Variants in RELA observed in about 807,000 individuals in gnomAD.
The protein encoded by RELA is transcription factor p65.
In RELA, 14 loss-of-function variants were observed where a neutral mutation model predicts 56.7. The observed-to-expected ratio is 0.25, with a 90% CI of 0.16 to 0.39. The LOEUF (loss-of-function observed/expected upper bound fraction) is 0.39, where lower values mean the gene tolerates loss of function less well. Among genes scored for constraint, RELA ranks in the 10% least tolerant of loss-of-function variants. The pLI, the probability that RELA is intolerant of heterozygous loss-of-function variation, is 1.00. For synonymous variants in RELA, 315 were observed against 289.7 expected (o/e 1.09, Z -0.89); for missense variants, 559 against 736.4 (o/e 0.76, Z 2.79).
At chr11:65,656,153 C>T (rs1450704723) in intron 8 of RELA, among the ~76,000 whole-genome samples, 1 of 152,204 alleles carries the variant, frequency 6.6e-6, no homozygotes, top group East Asian at 1.9e-4. Context: ...TCTAAGACCA[C>T]ATGGTGAGGC....
rs1230656083 is a variant in RELA at position 65,654,716 on chromosome 11, G to A, written c.1318C>T (p.Leu440=). The part of the protein sequence containing the change: ...QAGEGTLSEA[L]LQLQFDDEDL... Reference sequence around the variant, plus strand: ...TCATCATCAAACTGCAGCTGCAGCAGGGCCTCTGACAGCGTTCCTTCCCCA... The same window carrying A: ...TCATCATCAAACTGCAGCTGCAGCAAGGCCTCTGACAGCGTTCCTTCCCCA... Residue 440 remains leucine, a synonymous_variant, in exon 11 of 11, where the codon CTG becomes TTG. Transcript: ENST00000406246. 1 of 1,537,306 alleles carries A rather than the reference G, an allele frequency of 6.5e-7. No individual in the cohort carries two copies. The highest frequency in any genetic ancestry group is 8.7e-7 in the Non-Finnish European group (1 of 1,143,694).
At chr11:65,657,025 TCAAA>T (rs35168219) in intron 8 of RELA, among the ~76,000 whole-genome samples, 5 of 150,800 alleles carry the variant, frequency 3.3e-5, no homozygotes, top group African/African-American at 4.9e-5. Context: ...AGACTCTGTC[TCAAA>T]CAAACAAACA....
chr11:65,657,115 A>G (rs1286583111), intron 8 of RELA, among the ~76,000 whole-genome samples: 1 of 152,190 alleles, frequency 6.6e-6, no homozygotes, highest in Non-Finnish European at 1.5e-5. Flanking sequence ...AAGTGAGGTC[A>G]GGACAGTCTA....
intron 1 of RELA, chr11:65,662,571 G>A (rs1856600015): frequency 1.3e-5 from 5 of 391,684 alleles, no homozygotes; most frequent in East Asian, 3.8e-5. Flanking sequence ...CGGTGTGGAG[G>A]GAAACTGAGT....
chr11:65,658,623 G>T lies in RELA; in HGVS notation c.664+95C>A. On this transcript the variant is annotated intron_variant, in intron 7 of 10. Transcript: ENST00000406246. This position sits in a 1 kb window ranked among gnomAD's most constrained non-coding sequence, Gnocchi z 4.5. ...CCCACCTGAGGCCCCCGAGGCACAG[G>T]AGGAAGTATCCAAAGCCAGTTACCT... 1 of 1,406,362 alleles carries T rather than the reference G, an allele frequency of 7.1e-7. No individual in the cohort carries two copies. The highest frequency in any genetic ancestry group is 1.0e-6 in the Non-Finnish European group (1 of 997,462). 87.1% of individuals were successfully genotyped at this position (1,406,362 alleles called of 1,614,324 possible). A position where few individuals can be genotyped will look rare whatever the true frequency, so the allele number is the denominator to read the frequency against.
At chr11:65,659,884 G>C in intron 5 of RELA, 87 bp from the exon 6 acceptor site, 1 of 1,480,310 alleles carries the variant, frequency 6.8e-7, no homozygotes. Flanking sequence ...CGCTGGGAGG[G>C]CCGCTGGTGC....
At chr11:65,663,477 A>C (rs1315759239), upstream of RELA, among the ~76,000 whole-genome samples, 2 of 152,164 alleles carry the variant, frequency 1.3e-5, no homozygotes, top group Non-Finnish European at 2.9e-5. Flanking sequence ...CTGACAGTGC[A>C]TCAAGAGCTT....
At chr11:65,657,569 C>G (rs1046085682) in intron 8 of RELA, among the ~76,000 whole-genome samples, 1 of 152,206 alleles carries the variant, frequency 6.6e-6, no homozygotes, top group African/African-American at 2.4e-5. Flanking sequence ...CTGAATAGGC[C>G]GTGCAGTTGC....
rs1421168320 is a variant in RELA, at chr11:65,654,331, T to C, written c.*47A>G. On this transcript the variant is annotated 3_prime_UTR_variant, in exon 11 of 11. Transcript: ENST00000406246. ...AATCCGTAAGTGCTTTTGGAGGGCT[T>C]CAATCCCCTGCAACCCAGTGCTCTG... is the stretch of plus-strand genomic sequence containing the variant. 2 of 1,612,980 alleles carry C rather than the reference T, an allele frequency of 1.2e-6. No individual in the cohort carries two copies. The highest frequency in any genetic ancestry group is 1.7e-6 in the Non-Finnish European group (2 of 1,179,724).
rs1381286744 is a variant in RELA at position 65,654,496 on chromosome 11, G to T, written c.1538C>A (p.Pro513Gln). The change falls in exon 11 of 11, where the codon CCA becomes CAA. Residue 513 changes from proline to glutamine, a missense_variant. Coordinates refer to ENST00000406246, the MANE Select transcript of RELA (RefSeq NM_021975.4). ...CGGGGCCCCCAGTGGAGCAGGAGCT[G>T]GGTCGGGGGGCCTCTGGGCCCCTGT... The part of the protein sequence containing the change: ...LVTGAQRPPD[P>Q]APAPLGAPGL... 3 of 1,599,862 alleles carry T rather than the reference G, an allele frequency of 1.9e-6. No individual in the cohort carries two copies. In the Admixed American group the frequency reaches 5.3e-5, roughly 28 times the overall value.
In RELA at chr11:65,658,597, G is replaced by T; in HGVS notation, c.665-98C>A. Reference sequence around the variant, plus strand: ...TTGTCTTCTGATACATCACCCTTCGGCCCACCTGAGGCCCCCGAGGCACAG... The same window carrying T: ...TTGTCTTCTGATACATCACCCTTCGTCCCACCTGAGGCCCCCGAGGCACAG... On this transcript the variant is annotated intron_variant, in intron 7 of 10. Transcript: ENST00000406246. This position sits in a 1 kb window ranked among gnomAD's most constrained non-coding sequence, Gnocchi z 4.5. 2 of 1,379,088 alleles carry T rather than the reference G, an allele frequency of 1.5e-6. No individual in the cohort carries two copies. Among genetic ancestry groups the T allele is most frequent in the Non-Finnish European group, 2.0e-6 (2 of 981,034 alleles). The allele number at this position is 1,379,088 out of a possible 1,614,324, so 85.4% of individuals were successfully genotyped here.
rs756052498 is a variant in RELA at position 65,653,840 on chromosome 11, G to A, written c.*538C>T. ...GTTGCACTGGTTTCCTTCAGCCATG[G>A]TTGAGCAAGGAAAGAGCCGGCAGAG... On this transcript the variant is annotated 3_prime_UTR_variant, in exon 11 of 11. Coordinates refer to ENST00000406246, the MANE Select transcript of RELA (RefSeq NM_021975.4). 7.2e-5 allele frequency: 13 copies of A among 180,126 alleles called. No homozygotes were observed. The South Asian group carries it at 1.1e-3, about 15-fold the overall frequency. 11.2% of individuals were successfully genotyped at this position (180,126 alleles called of 1,614,324 possible).
intron 4 of RELA, 105 bp from the exon 5 acceptor site, chr11:65,660,320 C>T: frequency 3.1e-6 from 3 of 964,878 alleles, no homozygotes; most frequent in Non-Finnish European, 4.9e-6. Context: ...GATCATCGCT[C>T]CATGCCTAAC....
rs776929383 is a variant in RELA, at chr11:65,658,288, T to C, written c.876A>G (p.Thr292=). ...EPMEFQYLPD[T]DDRHRIEEKR... Reference sequence around the variant, plus strand: ...GATGCTGCCACCCCAGCTGTGTACCTGTATCTGGCAGGTACTGGAATTCCA... The same window carrying C: ...GATGCTGCCACCCCAGCTGTGTACCCGTATCTGGCAGGTACTGGAATTCCA... The change falls in exon 8 of 11, where the codon ACA becomes ACG. Residue 292 remains threonine (T), a splice_region_variant and synonymous_variant. Transcript: ENST00000406246. This position sits in a 1 kb window ranked among gnomAD's most constrained non-coding sequence, Gnocchi z 4.5. 6 of 1,589,690 alleles carry C rather than the reference T, an allele frequency of 3.8e-6. No individual in the cohort carries two copies. The highest frequency in any genetic ancestry group is 1.1e-5 in the South Asian group (1 of 87,882).
chr11:65,654,276 G>A lies in RELA; in HGVS notation c.*102C>T. The A allele has an allele frequency of 6.9e-7, 1 of 1,442,140 alleles. No individual in the cohort carries two copies. Among genetic ancestry groups the A allele is most frequent in the Non-Finnish European group, 9.7e-7 (1 of 1,031,534 alleles). The allele number at this position is 1,442,140 out of a possible 1,614,324, so 89.3% of individuals were successfully genotyped here. On this transcript the variant is annotated 3_prime_UTR_variant, in exon 11 of 11. Transcript: ENST00000406246. ...CCCCTCCAAGGAAGACATCCACAAA[G>A]TTGGGGGCAGTTGGAACACACCCCA...
chr11:65,654,272 C>T lies in RELA; in HGVS notation c.*106G>A. The T allele has an allele frequency of 7.0e-7, 1 of 1,422,244 alleles. No homozygotes were observed. Among genetic ancestry groups the T allele is most frequent in the Non-Finnish European group, 9.9e-7 (1 of 1,014,490 alleles). The allele number at this position is 1,422,244 out of a possible 1,614,324, so 88.1% of individuals were successfully genotyped here. ...CTCCCCCCTCCAAGGAAGACATCCA[C>T]AAAGTTGGGGGCAGTTGGAACACAC... On this transcript the variant is annotated 3_prime_UTR_variant, in exon 11 of 11. Coordinates refer to ENST00000406246, the MANE Select transcript of RELA (RefSeq NM_021975.4).
chr11:65,655,784 A>G, intron 9 of RELA, 22 bp from the exon 10 acceptor site: 1 of 1,613,646 alleles, frequency 6.2e-7, no homozygotes, highest in Non-Finnish European at 8.5e-7. Flanking sequence ...GGGCTAGGTC[A>G]GTTCTCAGCC....
upstream of RELA, among the ~76,000 whole-genome samples, chr11:65,663,684 G>A (rs1856628946): frequency 6.6e-6 from 1 of 152,164 alleles, no homozygotes; most frequent in South Asian, 2.1e-4. Flanking sequence ...GTCTCAGAAG[G>A]TGCGGGACCC....
intron 4 of RELA, 141 bp downstream of exon 4, chr11:65,661,546 G>C (rs999729035): frequency 2.8e-6 from 2 of 704,372 alleles, no homozygotes; most frequent in African/African-American, 3.5e-5. Context: ...CAAGACAAAG[G>C]CAGTTTACTT....
Sources: gnomAD v4.1 joint callset for allele counts (sites outside exome capture counted in the v4.1 genomes callset) on GRCh38, gnomAD v4.1.1 for gene constraint, Gnocchi (gnomAD v3.1) non-coding constraint, MANE v1.5 for transcripts, NCBI Gene and HGNC (gene_info 2026-07-23, HGNC 2026-07-21) for gene names.